IFT140: variants seen among roughly 807,000 people sequenced by gnomAD.
The protein encoded by IFT140 is intraflagellar transport protein 140 homolog.
Under a neutral mutation model 164.6 loss-of-function variants are expected in IFT140, and 133 were observed. That is an observed-to-expected ratio of 0.81 (90% CI 0.70 to 0.93). The LOEUF (loss-of-function observed/expected upper bound fraction) is 0.93. IFT140 is among the 40% of genes least tolerant of loss of function. IFT140 has a pLI of 0.00. For missense variants in IFT140, 2,045 were observed against 1,972.3 expected (o/e 1.04, Z -0.70); for synonymous variants, 860 against 817.3 (o/e 1.05, Z -0.89).
chr16:1,544,368 G>A (rs989783154), intron 19 of IFT140, among the ~76,000 whole-genome samples: 1 of 151,910 alleles, frequency 6.6e-6, no homozygotes, highest in Non-Finnish European at 1.5e-5. Flanking sequence ...TGTATTTTTA[G>A]TAGAGATGGG....
At position 1,513,872 on chromosome 16, in the gene IFT140, A is replaced by T. The variant is rs868010424; in HGVS notation, c.4183-2722T>A. On this transcript the variant is annotated intron_variant, in intron 30 of 30. Transcript: ENST00000426508. ...GTATTTTTAGTAGAGACGGGGTTTC[A>T]CCGTGTTAGCCAAGATGGTCTCCAT... 1.4e-5 allele frequency among the ~76,000 whole-genome samples: 2 copies of T among 141,106 alleles called. 1 individual carries two copies. The highest frequency in any genetic ancestry group is 1.4e-4 in the Admixed American group (2 of 14,532). The allele number at this position is 141,106 out of a possible 152,430, so 92.6% of individuals were successfully genotyped here.
At chr16:1,552,928 T>C in intron 19 of IFT140, 1 of 979,408 alleles carries the variant, frequency 1.0e-6, no homozygotes, top group Non-Finnish European at 1.2e-6. Flanking sequence ...GCTGCGATTA[T>C]AGGCGTAAAC....
intron 30 of IFT140, among the ~76,000 whole-genome samples, chr16:1,513,917 C>T (rs1285977177): frequency 2.0e-5 from 3 of 148,422 alleles, no homozygotes; most frequent in Non-Finnish European, 3.0e-5. Context: ...TCATGATCTG[C>T]CCGCCTTGGC....
intron 19 of IFT140, chr16:1,541,428 G>A (rs896175647): frequency 2.0e-6 from 2 of 985,410 alleles, no homozygotes; most frequent in Non-Finnish European, 2.4e-6. Flanking sequence ...TGAGCCGCTT[G>A]GGGGTCGGGC....
Position 1,557,995 on chromosome 16 carries a change from C to G in IFT140, c.2339G>C (p.Ser780Thr). Residue 780 changes from serine to threonine, a missense_variant, in exon 19 of 31, where the codon AGC becomes ACC. Ser to Thr is a moderately conservative substitution (Grantham distance 58). Coordinates refer to ENST00000426508, the MANE Select transcript of IFT140 (RefSeq NM_014714.4). The stretch of plus-strand genomic sequence containing the variant: ...CATGTCTCCTATGGTGACAAAGAAG[C>G]TGAAGTGGAGCATGGCGTCCCGGGT... Reference protein sequence around the residue: ...KATRDAMLHFSFFVTIGDMDE... With the variant: ...KATRDAMLHFTFFVTIGDMDE... 6.2e-7 allele frequency: 1 copy of G among 1,613,998 alleles called. No individual in the cohort carries two copies. The highest frequency in any genetic ancestry group is 8.5e-7 in the Non-Finnish European group (1 of 1,180,052).
At chr16:1,566,901 G>A (rs942849904) in intron 15 of IFT140, among the ~76,000 whole-genome samples, 1 of 152,136 alleles carries the variant, frequency 6.6e-6, no homozygotes. Flanking sequence ...CCCCATCTGG[G>A]TTCTCAGGGC....
chr16:1,607,431 C>T (rs112654319), intron 2 of IFT140, 134 bp from the exon 3 acceptor site: 168 of 725,374 alleles, frequency 2.3e-4, no homozygotes, highest in African/African-American at 2.1e-3. Flanking sequence ...AAATGCCTTG[C>T]GGACTGAGCA....
chr16:1,579,963 C>CA (rs56411833), intron 13 of IFT140, among the ~76,000 whole-genome samples: 9,169 of 106,608 alleles, frequency 0.086, 498 homozygotes, highest in Admixed American at 0.18. Context: ...GACTCCATCT[C>CA]AAAAAAAAAA....
chr16:1,558,055 C>G lies in IFT140; in HGVS notation c.2279G>C (p.Arg760Pro). The change falls in exon 19 of 31, where the codon CGA becomes CCA. Residue 760 changes from arginine to proline, a missense_variant. Physicochemically the swap from Arg to Pro is moderately radical, Grantham distance 103. Coordinates refer to ENST00000426508, the MANE Select transcript of IFT140 (RefSeq NM_014714.4). ...GCAGTCCTCCAGCCCCACAAAGTCT[C>G]GCAGGGGTCTCCTGGACACCATCTG... ...IPQMVSRRPL[R>P]DFVGLEDCDK... The G allele has an allele frequency of 6.2e-7, 1 of 1,614,086 alleles. No individual in the cohort carries two copies.
intron 19 of IFT140, among the ~76,000 whole-genome samples, chr16:1,545,222 G>A (rs930149564): frequency 2.6e-5 from 4 of 152,182 alleles, no homozygotes; most frequent in Admixed American, 6.5e-5. Context: ...GGGCGGGACT[G>A]TGCTCCAACA....
chr16:1,539,953 G>A (rs532885015), intron 19 of IFT140, among the ~76,000 whole-genome samples: 33 of 152,302 alleles, frequency 2.2e-4, no homozygotes, highest in Non-Finnish European at 2.6e-4. Context: ...CACCCAGGCC[G>A]GAGCGGGCAC....
chr16:1,601,218 C>T (rs960215954), intron 4 of IFT140, among the ~76,000 whole-genome samples: 12 of 149,496 alleles, frequency 8.0e-5, no homozygotes, highest in African/African-American at 2.7e-4. Flanking sequence ...GAGCTGAGAA[C>T]GTGCCACTGC....
At chr16:1,574,074 C>A (rs1029864925) in intron 13 of IFT140, among the ~76,000 whole-genome samples, 3 of 152,142 alleles carry the variant, frequency 2.0e-5, no homozygotes, top group Non-Finnish European at 4.4e-5. Context: ...TGCACCAATG[C>A]TCAGCCCATT....
chr16:1,547,938 AAGTGCTAGG>A (rs1171059483), intron 19 of IFT140, among the ~76,000 whole-genome samples: 2 of 152,164 alleles, frequency 1.3e-5, no homozygotes, highest in Non-Finnish European at 2.9e-5. Flanking sequence ...CAGCCTCTCA[AAGTGCTAGG>A]ATGAAGGTGT....
chr16:1,539,959 G>T (rs570946460), intron 19 of IFT140, among the ~76,000 whole-genome samples: 1 of 152,310 alleles, frequency 6.6e-6, no homozygotes, highest in East Asian at 1.9e-4. Context: ...GGCCGGAGCG[G>T]GCACAGTGGA....
intron 19 of IFT140, among the ~76,000 whole-genome samples, chr16:1,527,236 C>T (rs1471271473): frequency 6.6e-6 from 1 of 152,246 alleles, no homozygotes; most frequent in Non-Finnish European, 1.5e-5. Flanking sequence ...CCTCACCCGA[C>T]AGTCTGGCAG....
rs4786350 is a variant in IFT140, at chr16:1,587,999, C to T, written c.836G>A (p.Arg279His). 1.1e-5 allele frequency: 18 copies of T among 1,613,522 alleles called. No individual in the cohort carries two copies. The highest frequency in any genetic ancestry group is 1.1e-4 in the African/African-American group (8 of 74,896). ...MKVKLSGKTG[R>H]RADIALIEGS... The stretch of plus-strand genomic sequence containing the variant: ...TTCAATCAAAGCGATGTCTGCCCGG[C>T]GGCCGGTTTTCCCGCTCAGCTTGAC... The change falls in exon 8 of 31, where the codon CGC (arginine) becomes CAC (histidine). Residue 279 changes from arginine (R) to histidine (H), a missense_variant. Transcript: ENST00000426508.
chr16:1,536,158 C>T (rs963977048), intron 19 of IFT140, among the ~76,000 whole-genome samples: 5 of 152,260 alleles, frequency 3.3e-5, no homozygotes, highest in Non-Finnish European at 7.3e-5. Context: ...CTCCTAACTG[C>T]TGCCACCAAC....
rs767182240 is a variant in IFT140, at chr16:1,523,503, C to T, written c.3453+15G>A. On this transcript the variant is annotated intron_variant, in intron 26 of 30. Coordinates refer to ENST00000426508, the MANE Select transcript of IFT140 (RefSeq NM_014714.4). ...GCCTGCGTGGAGCCGAGCCCAGGCC[C>T]CGCTGGCCCCGTACCTTCCTGGCAG... 3 of 1,603,630 alleles carry T rather than the reference C, an allele frequency of 1.9e-6. No individual in the cohort carries two copies. The Admixed American group carries it at 5.0e-5, about 27-fold the overall frequency.
Sources: gnomAD v4.1 joint callset for allele counts (sites outside exome capture counted in the v4.1 genomes callset) on GRCh38, gnomAD v4.1.1 for gene constraint, MANE v1.5 for transcripts, NCBI Gene and HGNC (gene_info 2026-07-23, HGNC 2026-07-21) for gene names.